Variants in ATP8A2 observed in about 807,000 individuals in gnomAD.
ATP8A2 encodes ATPase phospholipid transporting 8A2.
A neutral mutation model predicts 165.6 loss-of-function variants in ATP8A2; 100 were observed. The observed-to-expected ratio is 0.60, with a 90% CI of 0.51 to 0.71. The LOEUF is 0.71. Ranked by LOEUF, ATP8A2 falls within the 30% of genes least tolerant of loss-of-function variation. The pLI is 0.00. For synonymous variants in ATP8A2, 543 were observed against 548.8 expected (o/e 0.99, Z 0.15); for missense variants, 1,227 against 1,479.5 (o/e 0.83, Z 2.80).
At chr13:25,480,903 T>C (rs137973961) in intron 2 of ATP8A2, among the ~76,000 whole-genome samples, 13,540 of 151,698 alleles carry the variant, frequency 0.089, 1,020 homozygotes, top group African/African-American at 0.2. Flanking sequence ...TCTGCAATCC[T>C]GGCACCTCCG....
intron 2 of ATP8A2, among the ~76,000 whole-genome samples, chr13:25,510,351 A>G (rs1346566184): frequency 1.3e-5 from 2 of 152,238 alleles, no homozygotes; most frequent in African/African-American, 2.4e-5. Flanking sequence ...TGGTTTGATG[A>G]AAAGAAGAAA....
chr13:25,653,579 G>T (rs2041862702), intron 24 of ATP8A2, among the ~76,000 whole-genome samples: 1 of 152,128 alleles, frequency 6.6e-6, no homozygotes, highest in Non-Finnish European at 1.5e-5. Context: ...TATCAAACCT[G>T]CCCATGTAAT....
intron 24 of ATP8A2, among the ~76,000 whole-genome samples, chr13:25,636,597 A>G (rs1171799916): frequency 6.6e-6 from 1 of 152,184 alleles, no homozygotes; most frequent in Non-Finnish European, 1.5e-5. Flanking sequence ...ATGACAATCC[A>G]TGAAGCATAA....
chr13:25,568,852 G>A (rs2039391042), intron 16 of ATP8A2, among the ~76,000 whole-genome samples: 1 of 151,934 alleles, frequency 6.6e-6, no homozygotes, highest in Non-Finnish European at 1.5e-5. Flanking sequence ...AGCATCCATA[G>A]GCTTCAGATT....
chr13:25,967,129 G>A (rs926589450), intron 34 of ATP8A2, among the ~76,000 whole-genome samples: 2 of 152,158 alleles, frequency 1.3e-5, no homozygotes, highest in Admixed American at 6.5e-5. Flanking sequence ...AATAATGAAC[G>A]GGGTACATTT....
At chr13:25,616,902 G>T (rs7337965) in intron 24 of ATP8A2, among the ~76,000 whole-genome samples, 2 of 152,116 alleles carry the variant, frequency 1.3e-5, no homozygotes, top group African/African-American at 4.8e-5. Context: ...GACACGTGTG[G>T]CAGCTGCTGC....
intron 27 of ATP8A2, 66 bp from the exon 28 acceptor site, chr13:25,828,052 C>T (rs896346776): frequency 7.7e-7 from 1 of 1,306,590 alleles, no homozygotes; most frequent in Non-Finnish European, 1.1e-6. Context: ...CCCGCTACTT[C>T]TTCAGTGAAT....
At chr13:25,950,131 C>T (rs1302960387) in intron 33 of ATP8A2, among the ~76,000 whole-genome samples, 2 of 152,170 alleles carry the variant, frequency 1.3e-5, no homozygotes, top group African/African-American at 2.4e-5. Context: ...ACACAGTACT[C>T]GTTTTAAACC....
intron 35 of ATP8A2, among the ~76,000 whole-genome samples, chr13:26,006,710 TA>T (rs1314607267): frequency 1.3e-5 from 2 of 152,000 alleles, no homozygotes; most frequent in Non-Finnish European, 2.9e-5. Context: ...TTTTCCACAA[TA>T]AAAATATCAT....
At chr13:25,939,314 T>A (rs576769445) in intron 33 of ATP8A2, among the ~76,000 whole-genome samples, 1 of 152,342 alleles carries the variant, frequency 6.6e-6, no homozygotes, top group African/African-American at 2.4e-5. Flanking sequence ...GCTTCCAATC[T>A]ATGGATCTGG....
rs148256440 is a variant in ATP8A2 at position 25,682,302 on chromosome 13, C to T, written c.2212-16871C>T. 5.3e-3 allele frequency among the ~76,000 whole-genome samples: 812 copies of T among 152,180 alleles called. 4 individuals carry two copies. Among genetic ancestry groups the T allele is most frequent in the African/African-American group, 0.018 (748 of 41,510 alleles). On this transcript the variant is annotated intron_variant, in intron 24 of 36. Coordinates refer to ENST00000381655, the MANE Select transcript of ATP8A2 (RefSeq NM_016529.6). ...TCGTGCCTCCCCCCTCCTCTGCAAA[C>T]ACCTTATAGTTTTGAGAGATGATAA...
intron 1 of ATP8A2, among the ~76,000 whole-genome samples, chr13:25,413,250 A>G (rs980954587): frequency 8.0e-5 from 12 of 149,526 alleles, no homozygotes; most frequent in Non-Finnish European, 1.5e-5. Context: ...ACTTGTAGTC[A>G]GACTTTTTTT....
intron 33 of ATP8A2, among the ~76,000 whole-genome samples, chr13:25,916,522 C>T (rs766350787): frequency 5.9e-5 from 9 of 152,188 alleles, no homozygotes; most frequent in Admixed American, 3.3e-4. Flanking sequence ...TGTCACCAGC[C>T]CGCTGCAGAA....
chr13:25,953,522 T>TTA lies in ATP8A2; in HGVS notation c.3184-8053_3184-8052insTA, dbSNP rs1566299661. On this transcript the variant is annotated intron_variant, in intron 33 of 36. Coordinates refer to ENST00000381655, the MANE Select transcript of ATP8A2 (RefSeq NM_016529.6). The surrounding 1 kb of genome is among the most constrained non-coding windows in gnomAD (Gnocchi z 6.7). ...GTAGCCCTGGTTACTCCAGCCTTTT[T>TTA]AAAAAAAAAAAAAAAAAAAAAAAAG... Among the ~76,000 whole-genome samples the TTA allele has an allele frequency of 7.4e-5, 7 of 94,960 alleles. No individual in the cohort carries two copies. The highest frequency in any genetic ancestry group is 2.6e-4 in the African/African-American group (6 of 23,330). 62.3% of individuals were successfully genotyped at this position (94,960 alleles called of 152,430 possible).
chr13:25,534,344 T>C, intron 6 of ATP8A2: 3 of 411,220 alleles, frequency 7.3e-6, no homozygotes, highest in Non-Finnish European at 1.5e-5. Context: ...TGACTCAAAG[T>C]GGGAGAGATG....
chr13:25,528,846 C>CACATATGCAACATGTGTATGCAT (rs71077478), intron 2 of ATP8A2, among the ~76,000 whole-genome samples: 823 of 62,648 alleles, frequency 0.013, 53 homozygotes, highest in African/African-American at 0.024. Context: ...TGTGTATGCA[C>CACATATGCAACATGTGTATGCAT]ACATATGCAA....
intron 25 of ATP8A2, among the ~76,000 whole-genome samples, chr13:25,742,169 C>T (rs2043928868): frequency 6.6e-6 from 1 of 152,092 alleles, no homozygotes; most frequent in Non-Finnish European, 1.5e-5. Flanking sequence ...CGTTACTGTT[C>T]TGAATACTGT....
chr13:25,727,960 G>T (rs558506306), intron 25 of ATP8A2, among the ~76,000 whole-genome samples: 3 of 152,130 alleles, frequency 2.0e-5, no homozygotes, highest in Non-Finnish European at 4.4e-5. Flanking sequence ...TCACCAGGTA[G>T]TCACGTGACC....
Position 25,968,266 on chromosome 13 carries a change from C to A in ATP8A2, c.3273-309C>A, listed in dbSNP as rs76982818. On this transcript the variant is annotated intron_variant, in intron 34 of 36. Coordinates refer to ENST00000381655, the MANE Select transcript of ATP8A2 (RefSeq NM_016529.6). ...TGACAAGAAATGCTGTAGAGGTAGA[C>A]CCTGGGTCTTCGTGAACCCCACCCA... is the stretch of plus-strand genomic sequence containing the variant. Among the ~76,000 whole-genome samples the A allele has an allele frequency of 6.4e-3, 976 of 152,286 alleles. 9 individuals carry two copies. Among genetic ancestry groups the A allele is most frequent in the African/African-American group, 0.02 (843 of 41,556 alleles).
Sources: gnomAD v4.1 joint callset for allele counts (sites outside exome capture counted in the v4.1 genomes callset) on GRCh38, gnomAD v4.1.1 for gene constraint, Gnocchi (gnomAD v3.1) non-coding constraint, MANE v1.5 for transcripts, NCBI Gene and HGNC (gene_info 2026-07-23, HGNC 2026-07-21) for gene names.